The following DMC1 variants were observed in gnomAD, a reference collection of about 807,000 sequenced individuals.
The protein encoded by DMC1 is DNA meiotic recombinase 1, also known as meiotic recombination protein DMC1 homolog.
DMC1 carries 27 observed loss-of-function variants against 50.1 expected under a neutral mutation model. The observed-to-expected ratio is 0.54, with a 90% CI of 0.40 to 0.74. The LOEUF (loss-of-function observed/expected upper bound fraction) is 0.74, where lower values mean the gene tolerates loss of function less well. Among genes scored for constraint, DMC1 ranks in the 30% least tolerant of loss-of-function variants. The pLI, the probability that DMC1 is intolerant of heterozygous loss-of-function variation, is 0.00. For synonymous variants in DMC1, 148 were observed against 136.1 expected (o/e 1.09, Z -0.61); for missense variants, 295 against 420.2 (o/e 0.70, Z 2.60).
the DMC1 span, among the ~76,000 whole-genome samples, chr22:38,511,460 T>A: frequency 6.6e-6 from 1 of 151,900 alleles, no homozygotes. Context: ...GTGTGTGTGG[T>A]TCCAGATACT....
intron 13 of DMC1, among the ~76,000 whole-genome samples, chr22:38,521,326 T>G (rs531488682): frequency 9.2e-5 from 14 of 152,210 alleles, no homozygotes; most frequent in Non-Finnish European, 1.9e-4. Flanking sequence ...ATAGAATCCC[T>G]CAATCCCTAG....
At chr22:38,548,681 C>T (rs1267227219) in intron 8 of DMC1, among the ~76,000 whole-genome samples, 2 of 152,104 alleles carry the variant, frequency 1.3e-5, no homozygotes, top group Admixed American at 1.3e-4. Context: ...CAAAACCAGC[C>T]TGGCCAACAT....
chr22:38,535,199 T>C (rs2090197250), intron 12 of DMC1, among the ~76,000 whole-genome samples: 1 of 151,534 alleles, frequency 6.6e-6, no homozygotes, highest in Non-Finnish European at 1.5e-5. Context: ...CTCAGGAGGC[T>C]GAGGCAGGAG....
Position 38,539,406 on chromosome 22 carries a change from T to C in DMC1, c.501A>G (p.Pro167=). 2 of 1,613,864 alleles carry C rather than the reference T, an allele frequency of 1.2e-6. No homozygotes were observed. ...GATCAGCAATGTCCCTAAGGCGATC[T>C]GGACGGCTGGAGTATGCCAAGATTA... ...IFIDTENTFR[P]DRLRDIADRF... The change falls in exon 9 of 14, where the codon CCA becomes CCG. Residue 167 remains proline (P), a synonymous_variant. Transcript: ENST00000216024.
intron 12 of DMC1, among the ~76,000 whole-genome samples, chr22:38,526,796 T>C (rs981829829): frequency 6.6e-6 from 1 of 152,206 alleles, no homozygotes; most frequent in Admixed American, 6.5e-5. Context: ...AAAATTTGGA[T>C]TCCTATTGAG....
intron 13 of DMC1, among the ~76,000 whole-genome samples, chr22:38,520,597 A>G (rs1047899522): frequency 1.3e-5 from 2 of 152,100 alleles, no homozygotes; most frequent in African/African-American, 4.8e-5. Flanking sequence ...ACCTCAGGTG[A>G]TCCGCCTGCC....
intron 8 of DMC1, among the ~76,000 whole-genome samples, chr22:38,541,241 A>G (rs1356387376): frequency 6.6e-6 from 1 of 152,228 alleles, no homozygotes; most frequent in African/African-American, 2.4e-5. Flanking sequence ...TTTAGGACTC[A>G]GATCTTAGTT....
intron 13 of DMC1, among the ~76,000 whole-genome samples, chr22:38,520,350 G>T (rs1047554085): frequency 6.6e-6 from 1 of 151,732 alleles, no homozygotes; most frequent in Admixed American, 6.6e-5. Flanking sequence ...ATAACTGGAT[G>T]TTCTTTCATT....
At chr22:38,528,644 C>T (rs1292082776) in intron 12 of DMC1, among the ~76,000 whole-genome samples, 4 of 151,818 alleles carry the variant, frequency 2.6e-5, no homozygotes, top group Admixed American at 6.6e-5. Context: ...AAAATTAACC[C>T]GGTGTGGTGG....
chr22:38,554,646 T>C (rs2090449837), intron 6 of DMC1, among the ~76,000 whole-genome samples: 1 of 151,704 alleles, frequency 6.6e-6, no homozygotes, highest in Non-Finnish European at 1.5e-5. Flanking sequence ...GAGACCATCT[T>C]GGGCAACATA....
At chr22:38,564,995 C>T (rs1045024720) in intron 4 of DMC1, among the ~76,000 whole-genome samples, 3 of 152,150 alleles carry the variant, frequency 2.0e-5, no homozygotes, top group Middle Eastern at 3.2e-3. Flanking sequence ...ACCAAATGGC[C>T]GTTGGTGAAG....
chr22:38,513,996 G>C (rs754952191), downstream of DMC1, among the ~76,000 whole-genome samples: 1 of 152,168 alleles, frequency 6.6e-6, no homozygotes, highest in African/African-American at 2.4e-5. Context: ...ATAGCAGCAC[G>C]GAAATCAGCA....
chr22:38,528,729 T>C (rs866053756), intron 12 of DMC1, among the ~76,000 whole-genome samples: 17 of 152,174 alleles, frequency 1.1e-4, no homozygotes, highest in Admixed American at 4.6e-4. Flanking sequence ...AAGGCTGCAG[T>C]GAGCTAAGAT....
chr22:38,511,886 G>A, the DMC1 span, among the ~76,000 whole-genome samples: 1 of 152,184 alleles, frequency 6.6e-6, no homozygotes, highest in Admixed American at 6.5e-5. Context: ...ATAAGCACAA[G>A]TGTTGTATGG....
chr22:38,562,818 T>C (rs574217103), intron 4 of DMC1, among the ~76,000 whole-genome samples: 2 of 151,950 alleles, frequency 1.3e-5, no homozygotes, highest in Non-Finnish European at 2.9e-5. Context: ...TATACATATA[T>C]ACACACATAT....
At chr22:38,527,291 G>A (rs570618869) in intron 12 of DMC1, among the ~76,000 whole-genome samples, 1 of 151,570 alleles carries the variant, frequency 6.6e-6, no homozygotes, top group African/African-American at 2.4e-5. Flanking sequence ...TACAGCCTCC[G>A]CCTCCCCAGT....
At chr22:38,515,476 CAAAA>C (rs71197116), downstream of DMC1, among the ~76,000 whole-genome samples, 1 of 102,770 alleles carries the variant, frequency 9.7e-6, no homozygotes, top group Non-Finnish European at 1.9e-5. Context: ...AAATCCCTCT[CAAAA>C]AAAAAAAAAA....
chr22:38,531,288 T>G (rs138730575), intron 12 of DMC1, among the ~76,000 whole-genome samples: 1 of 152,160 alleles, frequency 6.6e-6, no homozygotes, highest in African/African-American at 2.4e-5. Context: ...TCATTCCAGT[T>G]CTAAAGTCTG....
At chr22:38,560,152 GAGGTTATACTGTCAAATAA>G (rs2090511596) in intron 5 of DMC1, among the ~76,000 whole-genome samples, 1 of 152,166 alleles carries the variant, frequency 6.6e-6, no homozygotes, top group Non-Finnish European at 1.5e-5. Context: ...TGAAAGTTAG[GAGGTTATACTGTCAAATAA>G]AGTGATCAGA....
Sources: gnomAD v4.1 joint callset for allele counts (sites outside exome capture counted in the v4.1 genomes callset) on GRCh38, gnomAD v4.1.1 for gene constraint, MANE v1.5 for transcripts, NCBI Gene and HGNC (gene_info 2026-07-23, HGNC 2026-07-21) for gene names.